The following DIAPH1 variants were observed in gnomAD, a reference collection of about 807,000 sequenced individuals.
The protein encoded by DIAPH1 is protein diaphanous homolog 1.
In DIAPH1, 46 loss-of-function variants were observed where a neutral mutation model predicts 140.7. The observed-to-expected ratio is 0.33, with a 90% confidence interval of 0.26 to 0.42. The LOEUF (loss-of-function observed/expected upper bound fraction) is 0.42. Ranked by LOEUF, DIAPH1 falls within the 10% of genes least tolerant of loss-of-function variation. The pLI is 1.00. For synonymous variants in DIAPH1, 565 were observed against 551.6 expected (o/e 1.02, Z -0.34); for missense variants, 1,310 against 1,558.7 (o/e 0.84, Z 2.69).
At position 141,516,126 on chromosome 5, in the gene DIAPH1, G is replaced by A. The variant is rs2099885648; in HGVS notation, c.*725C>T. On this transcript the variant is annotated 3_prime_UTR_variant, in exon 28 of 28. Transcript: ENST00000389054. ...GGGGTTGGTGCAGAGCGTCCAGAGA[G>A]GCAAGGGCATAAAGCGTGGCAGAAG... 1 of 156,956 alleles carries A rather than the reference G, an allele frequency of 6.4e-6. No individual in the cohort carries two copies. Among genetic ancestry groups the A allele is most frequent in the Admixed American group, 6.1e-5 (1 of 16,476 alleles). 9.7% of individuals were successfully genotyped at this position (156,956 alleles called of 1,614,324 possible).
At chr5:141,563,974 T>C (rs765370480) in intron 18 of DIAPH1, 4 of 152,206 alleles carry the variant, frequency 2.6e-5, no homozygotes, top group Non-Finnish European at 4.4e-5. Context: ...AAGTAGTTTT[T>C]CAGCAGAAAC....
chr5:141,532,171 A>G (rs1029810397), intron 19 of DIAPH1, among the ~76,000 whole-genome samples: 14 of 151,372 alleles, frequency 9.2e-5, no homozygotes, highest in African/African-American at 3.4e-4. Flanking sequence ...CCTTCACTTA[A>G]TTTTTTGGTT....
At chr5:141,580,707 T>C in intron 8 of DIAPH1, 37 bp downstream of exon 8, 1 of 1,611,008 alleles carries the variant, frequency 6.2e-7, no homozygotes, top group Admixed American at 1.7e-5. Flanking sequence ...AATGATAAAA[T>C]TGAAAATGGA....
chr5:141,534,369 T>A lies in DIAPH1; in HGVS notation c.2547A>T (p.Leu849Phe), dbSNP rs963579651. ...GGGCTGTCTTTGAATCCAACACCTT[T>A]AACTCTTTTACTTTTTTCTTTTGCA... ...KSVQKKKVKE[L>F]KVLDSKTAQN... The change falls in exon 19 of 28, where the codon TTA becomes TTT. Residue 849 changes from leucine (L) to phenylalanine (F), a missense_variant. By Grantham distance (22) the Leu-to-Phe change is conservative (BLOSUM62 0). Coordinates refer to ENST00000389054, the MANE Select transcript of DIAPH1 (RefSeq NM_005219.5). 6.2e-7 allele frequency: 1 copy of A among 1,613,870 alleles called. No homozygotes were observed. Among genetic ancestry groups the A allele is most frequent in the Non-Finnish European group, 8.5e-7 (1 of 1,179,974 alleles).
chr5:141,584,009 G>C, intron 4 of DIAPH1, 115 bp downstream of exon 4: 1 of 706,712 alleles, frequency 1.4e-6, no homozygotes, highest in Non-Finnish European at 2.6e-6. Flanking sequence ...CTTATATAAT[G>C]GAATGAAACA....
Position 141,573,026 on chromosome 5 carries a change from A to AAT in DIAPH1, c.2358+464_2358+465dup, listed in dbSNP as rs2154596241. 2.0e-5 allele frequency among the ~76,000 whole-genome samples: 3 copies of AAT among 152,376 alleles called. 1 individual carries two copies. In the South Asian group the frequency reaches 6.2e-4, roughly 32 times the overall value. On this transcript the variant is annotated intron_variant, in intron 16 of 27. Coordinates refer to ENST00000389054, the MANE Select transcript of DIAPH1 (RefSeq NM_005219.5). ...GATGTATGGAATAAAGAAGATGCCT[A>AAT]ATATCTCCTGAATAAACATAAGCAT...
chr5:141,543,384 T>A (rs2099890301), intron 18 of DIAPH1, among the ~76,000 whole-genome samples: 1 of 152,204 alleles, frequency 6.6e-6, no homozygotes, highest in Admixed American at 6.5e-5. Flanking sequence ...AAGTGGCTGC[T>A]AGTGGATTCA....
chr5:141,537,037 A>C (rs1280472066), intron 18 of DIAPH1, among the ~76,000 whole-genome samples: 1 of 151,976 alleles, frequency 6.6e-6, no homozygotes, highest in African/African-American at 2.4e-5. Flanking sequence ...GCATGGTGGC[A>C]CATGCCTGTA....
intron 27 of DIAPH1, among the ~76,000 whole-genome samples, chr5:141,517,271 CACAG>C (rs1307096356): frequency 4.6e-5 from 7 of 152,310 alleles, no homozygotes; most frequent in African/African-American, 7.2e-5. Context: ...AAAGTTTGAA[CACAG>C]ACAGACAGAA....
chr5:141,571,720 C>T (rs1271217057), intron 17 of DIAPH1: 8 of 696,416 alleles, frequency 1.1e-5, no homozygotes, highest in Non-Finnish European at 1.8e-5. Context: ...TACCTACATA[C>T]AACAGTTCTC....
chr5:141,610,019 C>G (rs1316522474), intron 1 of DIAPH1, among the ~76,000 whole-genome samples: 2 of 152,148 alleles, frequency 1.3e-5, no homozygotes, highest in African/African-American at 4.8e-5. Flanking sequence ...AGAGAGAAGC[C>G]GAGCACAGTG....
chr5:141,518,955 T>TCTC (rs746915393), intron 27 of DIAPH1: 26 of 1,550,034 alleles, frequency 1.7e-5, no homozygotes, highest in African/African-American at 8.2e-5. Context: ...AATTTAAAGG[T>TCTC]CTCCTCCTCC....
intron 18 of DIAPH1, among the ~76,000 whole-genome samples, chr5:141,544,589 AGATG>A (rs1290451223): frequency 6.6e-6 from 1 of 152,246 alleles, no homozygotes. Flanking sequence ...GAAGATATAC[AGATG>A]GCAAATTAAG....
At chr5:141,570,649 G>T (rs1022734266) in intron 18 of DIAPH1, among the ~76,000 whole-genome samples, 1 of 152,042 alleles carries the variant, frequency 6.6e-6, no homozygotes, top group East Asian at 1.9e-4. Flanking sequence ...ACTAGGGGGA[G>T]GTGGGGAAAA....
chr5:141,553,437 C>T (rs1333498481), intron 18 of DIAPH1, among the ~76,000 whole-genome samples: 4 of 150,902 alleles, frequency 2.7e-5, no homozygotes, highest in Admixed American at 6.7e-5. Flanking sequence ...GTCAGGAGTT[C>T]GAGACCGGCC....
chr5:141,554,512 C>T (rs896771300), intron 18 of DIAPH1, among the ~76,000 whole-genome samples: 2 of 145,514 alleles, frequency 1.4e-5, no homozygotes, highest in Admixed American at 7.4e-5. Flanking sequence ...ACCAATTTTA[C>T]GCAAAAAATT....
At chr5:141,531,234 G>C (rs1347867273) in intron 19 of DIAPH1, among the ~76,000 whole-genome samples, 1 of 151,972 alleles carries the variant, frequency 6.6e-6, no homozygotes, top group African/African-American at 2.4e-5. Flanking sequence ...TCCGCAGAGT[G>C]ACCTAAACCT....
At chr5:141,555,983 T>C (rs2099892505) in intron 18 of DIAPH1, among the ~76,000 whole-genome samples, 1 of 152,170 alleles carries the variant, frequency 6.6e-6, no homozygotes, top group South Asian at 2.1e-4. Context: ...AATTCCCTTC[T>C]ATCACCTGTG....
At chr5:141,549,908 C>T (rs2099891421) in intron 18 of DIAPH1, among the ~76,000 whole-genome samples, 1 of 152,058 alleles carries the variant, frequency 6.6e-6, no homozygotes, top group Non-Finnish European at 1.5e-5. Flanking sequence ...AAACAGACTA[C>T]ACACTCTGTA....
Sources: gnomAD v4.1 joint callset for allele counts (sites outside exome capture counted in the v4.1 genomes callset) on GRCh38, gnomAD v4.1.1 for gene constraint, MANE v1.5 for transcripts, NCBI Gene and HGNC (gene_info 2026-07-23, HGNC 2026-07-21) for gene names.